Variants in BZW2 observed in about 807,000 individuals in gnomAD.
The protein encoded by BZW2 is basic leucine zipper and W2 domains 2, also known as eIF5-mimic protein 1.
A neutral mutation model predicts 53.2 loss-of-function variants in BZW2; 23 were observed. That is an observed-to-expected ratio of 0.43 (90% CI 0.31 to 0.61). The LOEUF is 0.61. BZW2 is among the 20% of genes least tolerant of loss of function. BZW2 has a pLI of 0.09. For synonymous variants in BZW2, 227 were observed against 186.4 expected (o/e 1.22, Z -1.77); for missense variants, 409 against 503.1 (o/e 0.81, Z 1.79).
intron 1 of BZW2, among the ~76,000 whole-genome samples, chr7:16,650,375 T>A (rs141797236): frequency 6.6e-6 from 1 of 152,096 alleles, no homozygotes; most frequent in East Asian, 1.9e-4. Context: ...CTTCTGTGCG[T>A]CATAATCCAA....
chr7:16,646,266 G>A lies in BZW2; in HGVS notation c.-30G>A. On this transcript the variant is annotated 5_prime_UTR_variant, in exon 1 of 12. Coordinates refer to ENST00000258761, the MANE Select transcript of BZW2 (RefSeq NM_014038.3). ...ATCGCCGCAGCCCCCAGCCTTGCGCGTCGTCGCTACCTCCTCGGACAGGTG... is the reference window on the plus strand; with the variant it reads ...ATCGCCGCAGCCCCCAGCCTTGCGCATCGTCGCTACCTCCTCGGACAGGTG... 2 of 280,054 alleles carry A rather than the reference G, an allele frequency of 7.1e-6. No homozygotes were observed. Among genetic ancestry groups the A allele is most frequent in the Non-Finnish European group, 7.3e-6 (1 of 137,724 alleles). The allele number at this position is 280,054 out of a possible 1,614,324, so 17.3% of individuals were successfully genotyped here.
intron 3 of BZW2, among the ~76,000 whole-genome samples, chr7:16,676,246 G>A (rs1286267326): frequency 1.3e-5 from 2 of 152,006 alleles, no homozygotes; most frequent in Non-Finnish European, 2.9e-5. Flanking sequence ...AAAGCCAAAC[G>A]GATGTTAAAG....
chr7:16,664,602 G>A (rs1782364051), intron 1 of BZW2, among the ~76,000 whole-genome samples: 2 of 152,176 alleles, frequency 1.3e-5, no homozygotes, highest in Admixed American at 6.5e-5. Flanking sequence ...CCGTCAGAAA[G>A]GTAGCCAGGA....
At chr7:16,660,130 G>C (rs375362881) in intron 1 of BZW2, among the ~76,000 whole-genome samples, 1 of 151,708 alleles carries the variant, frequency 6.6e-6, no homozygotes, top group East Asian at 1.9e-4. Flanking sequence ...ATGGTTTCCA[G>C]CTTCATCCAT....
intron 5 of BZW2, among the ~76,000 whole-genome samples, chr7:16,683,898 A>C (rs1435934558): frequency 6.6e-6 from 1 of 152,106 alleles, no homozygotes; most frequent in Admixed American, 6.5e-5. Flanking sequence ...CACCCAGTTC[A>C]AAGTGGTTCT....
At chr7:16,672,952 C>CA (rs551236510) in intron 2 of BZW2, among the ~76,000 whole-genome samples, 1 of 146,626 alleles carries the variant, frequency 6.8e-6, no homozygotes, top group Admixed American at 6.8e-5. Context: ...TATCCACTTT[C>CA]TTTTTTTTTT....
chr7:16,690,647 CAAAAT>C (rs1367350375), intron 7 of BZW2, among the ~76,000 whole-genome samples: 4 of 152,146 alleles, frequency 2.6e-5, no homozygotes, highest in Non-Finnish European at 4.4e-5. Flanking sequence ...AGTTTGCTAA[CAAAAT>C]AAAAGTTTAA....
intron 3 of BZW2, 108 bp downstream of exon 3, chr7:16,674,696 A>G (rs1782715596): frequency 9.9e-7 from 1 of 1,006,324 alleles, no homozygotes; most frequent in Non-Finnish European, 1.3e-6. Context: ...ATTAGAGTTA[A>G]TAAAAATACA....
At chr7:16,668,343 G>C (rs1782493109) in intron 2 of BZW2, among the ~76,000 whole-genome samples, 2 of 152,162 alleles carry the variant, frequency 1.3e-5, no homozygotes, top group South Asian at 4.1e-4. Context: ...GAATCACTTG[G>C]TGGTCAAGAT....
intron 3 of BZW2, among the ~76,000 whole-genome samples, chr7:16,676,851 C>T (rs1782780707): frequency 6.6e-6 from 1 of 152,080 alleles, no homozygotes; most frequent in South Asian, 2.1e-4. Flanking sequence ...GCCCTTTTGT[C>T]ATTCTTGAAC....
intron 7 of BZW2, among the ~76,000 whole-genome samples, chr7:16,692,836 T>C (rs911465462): frequency 1.3e-5 from 2 of 152,094 alleles, no homozygotes; most frequent in African/African-American, 4.8e-5. Flanking sequence ...CTTTCAGTGG[T>C]GGAAAGCCCT....
intron 7 of BZW2, among the ~76,000 whole-genome samples, chr7:16,691,983 C>T (rs189297746): frequency 1.1e-3 from 174 of 152,176 alleles, no homozygotes; most frequent in Non-Finnish European, 2.3e-3. Flanking sequence ...GTGAGAACAG[C>T]GTAGTTGCCT....
chr7:16,663,933 T>C (rs1782341429), intron 1 of BZW2, among the ~76,000 whole-genome samples: 1 of 152,188 alleles, frequency 6.6e-6, no homozygotes, highest in African/African-American at 2.4e-5. Flanking sequence ...TAAAATAGTA[T>C]AAAGTACTCA....
At chr7:16,697,732 C>G (rs1383293132) in intron 9 of BZW2, among the ~76,000 whole-genome samples, 1 of 152,168 alleles carries the variant, frequency 6.6e-6, no homozygotes, top group Non-Finnish European at 1.5e-5. Context: ...AAGATAATTG[C>G]TGGCCTGCTA....
intron 3 of BZW2, among the ~76,000 whole-genome samples, chr7:16,675,195 G>A (rs1583721688): frequency 1.3e-5 from 2 of 152,106 alleles, no homozygotes; most frequent in South Asian, 4.1e-4. Flanking sequence ...AAGTATAATA[G>A]CCACCCATTT....
chr7:16,692,419 G>T (rs984501722), intron 7 of BZW2, among the ~76,000 whole-genome samples: 1 of 152,070 alleles, frequency 6.6e-6, no homozygotes, highest in Non-Finnish European at 1.5e-5. Context: ...TATTTCAGGA[G>T]AGTGGGCCAT....
At chr7:16,699,032 A>G (rs1783587452) in intron 10 of BZW2, among the ~76,000 whole-genome samples, 1 of 152,234 alleles carries the variant, frequency 6.6e-6, no homozygotes, top group Admixed American at 6.5e-5. Flanking sequence ...TAAAGGTTTT[A>G]GATAAATAAT....
At chr7:16,699,312 G>A (rs1783597303) in intron 10 of BZW2, among the ~76,000 whole-genome samples, 1 of 152,010 alleles carries the variant, frequency 6.6e-6, no homozygotes, top group Non-Finnish European at 1.5e-5. Flanking sequence ...CTAAAACTAG[G>A]CCCCACCCAA....
At chr7:16,674,019 C>G (rs1033077785) in intron 2 of BZW2, among the ~76,000 whole-genome samples, 1 of 152,222 alleles carries the variant, frequency 6.6e-6, no homozygotes, top group Non-Finnish European at 1.5e-5. Flanking sequence ...CCTGCCTCAG[C>G]CTCCCAGTAG....
Sources: allele counts gnomAD v4.1 joint callset (sites outside exome capture counted in the v4.1 genomes callset), GRCh38; gene constraint gnomAD v4.1.1; transcripts MANE v1.5; gene names NCBI Gene and HGNC (gene_info 2026-07-23, HGNC 2026-07-21).